The following FCRL1 variants were observed in gnomAD, a reference collection of about 807,000 sequenced individuals.
FCRL1 encodes the protein Fc receptor like 1.
Under a neutral mutation model 49.2 loss-of-function variants are expected in FCRL1, and 34 were observed. That is an observed-to-expected ratio of 0.69 (90% confidence interval 0.53 to 0.92). The LOEUF (loss-of-function observed/expected upper bound fraction) is 0.92. FCRL1 is among the 40% of genes least tolerant of loss of function. The pLI, the probability that FCRL1 is intolerant of heterozygous loss-of-function variation, is 0.00. For missense variants in FCRL1, 524 were observed against 524.1 expected, an observed-to-expected ratio of 1.00 and a Z score of 0.00; for synonymous variants, 218 against 201.6, an observed-to-expected ratio of 1.08 and a Z score of -0.69.
intron 10 of FCRL1, among the ~76,000 whole-genome samples, chr1:157,796,763 T>C (rs1267697895): frequency 6.6e-6 from 1 of 152,248 alleles, no homozygotes; most frequent in Non-Finnish European, 1.5e-5. Flanking sequence ...TTGGTTAACC[T>C]TATAGTACAA....
At chr1:157,809,924 TA>T (rs1157758112) in intron 1 of FCRL1, among the ~76,000 whole-genome samples, 4 of 152,162 alleles carry the variant, frequency 2.6e-5, no homozygotes, top group South Asian at 4.1e-4. Context: ...ACCCTGACTC[TA>T]AAAAAATTAA....
At chr1:157,813,502 A>G (rs749786713) in intron 1 of FCRL1, among the ~76,000 whole-genome samples, 5 of 152,220 alleles carry the variant, frequency 3.3e-5, no homozygotes, top group Non-Finnish European at 5.9e-5. Flanking sequence ...AAGAAGAAGA[A>G]TTTCTAAACT....
chr1:157,802,195 T>A lies in FCRL1; in HGVS notation c.608-2A>T. On this transcript the variant is annotated splice_acceptor_variant, in intron 4 of 10. Coordinates refer to ENST00000368176, the MANE Select transcript of FCRL1 (RefSeq NM_052938.5). LOFTEE classifies it high-confidence loss of function. ...TGAGGATTGGGCGAGACACCGGGAC[T>A]GAGGGAGACAGTAGACTGTAAGAGA... 6.2e-7 allele frequency: 1 copy of A among 1,611,664 alleles called. No homozygotes were observed. The highest frequency in any genetic ancestry group is 8.5e-7 in the Non-Finnish European group (1 of 1,178,832).
intron 7 of FCRL1, 77 bp from the exon 8 acceptor site, chr1:157,798,320 G>GC: frequency 8.1e-7 from 1 of 1,235,068 alleles, no homozygotes; most frequent in Non-Finnish European, 1.1e-6. Flanking sequence ...AAGGAGAGAA[G>GC]CCTGTGACAA....
intron 10 of FCRL1, among the ~76,000 whole-genome samples, chr1:157,796,775 G>A (rs1651556870): frequency 6.6e-6 from 1 of 152,190 alleles, no homozygotes; most frequent in East Asian, 1.9e-4. Flanking sequence ...ATAGTACAAA[G>A]TGATGGATGT....
intron 1 of FCRL1, among the ~76,000 whole-genome samples, chr1:157,815,659 A>T (rs1654924399): frequency 6.6e-6 from 1 of 151,918 alleles, no homozygotes; most frequent in African/African-American, 2.4e-5. Flanking sequence ...AAGATCAATG[A>T]AATGAGTCAG....
chr1:157,803,802 C>T (rs780956907), intron 3 of FCRL1, 43 bp downstream of exon 3: 8 of 1,597,332 alleles, frequency 5.0e-6, no homozygotes, highest in South Asian at 1.1e-5. Flanking sequence ...TTGCCACTGC[C>T]CTTCTCAGCC....
In FCRL1 at chr1:157,803,963, G is replaced by A. The variant is rs768045728; in HGVS notation, c.201C>T (p.Ser67=). ...DTRALGPGWS[S]SPKLQIAAMW... ...TGGCAGCGATCTGGAGCTTGGGGGA[G>A]CTGCTCCAGCCTGGGCCCAAGGCCC... is the stretch of plus-strand genomic sequence containing the variant. Residue 67 remains serine, a synonymous_variant, in exon 3 of 11, where the codon AGC becomes AGT. Transcript: ENST00000368176. The A allele has an allele frequency of 6.2e-7, 1 of 1,614,196 alleles. No homozygotes were observed. The highest frequency in any genetic ancestry group is 1.1e-5 in the South Asian group (1 of 91,086).
At chr1:157,818,583 G>C (rs1655365641) in intron 1 of FCRL1, among the ~76,000 whole-genome samples, 1 of 152,054 alleles carries the variant, frequency 6.6e-6, no homozygotes, top group Non-Finnish European at 1.5e-5. Context: ...GTCCAGAATA[G>C]ACAAATATAG....
chr1:157,804,325 A>G, intron 2 of FCRL1: 3 of 530,352 alleles, frequency 5.7e-6, no homozygotes, highest in Non-Finnish European at 9.9e-6. Flanking sequence ...GCCCCTGTGC[A>G]GTATTATCTT....
rs370085354 is a variant in FCRL1 at position 157,802,005 on chromosome 1, G to A, written c.796C>T (p.Leu266=). ...TAGTTTCCAGAATGTTCTTCAGTCA[G>A]GGAAAGGTTGAAGGAGGCTCCTCCT... ...SGGGASFNLS[L]TEEHSGNYSC... Residue 266 remains leucine, a synonymous_variant, in exon 5 of 11, where the codon CTG becomes TTG. Coordinates refer to ENST00000368176, the MANE Select transcript of FCRL1 (RefSeq NM_052938.5). The A allele has an allele frequency of 1.9e-6, 3 of 1,614,132 alleles. No individual in the cohort carries two copies. Among genetic ancestry groups the A allele is most frequent in the Non-Finnish European group, 2.5e-6 (3 of 1,180,046 alleles).
At chr1:157,816,599 G>T (rs1319509673) in intron 1 of FCRL1, among the ~76,000 whole-genome samples, 1 of 151,672 alleles carries the variant, frequency 6.6e-6, no homozygotes. Flanking sequence ...CAAAGTATTA[G>T]GCAAGAGAAA....
At chr1:157,817,621 T>C (rs983518206) in intron 1 of FCRL1, among the ~76,000 whole-genome samples, 1 of 152,004 alleles carries the variant, frequency 6.6e-6, no homozygotes, top group Non-Finnish European at 1.5e-5. Context: ...TGGGCAGTGA[T>C]TTTTTTGGCT....
intron 4 of FCRL1, 48 bp from the exon 5 acceptor site, chr1:157,802,241 A>G: frequency 6.3e-7 from 1 of 1,588,680 alleles, no homozygotes; most frequent in South Asian, 1.2e-5. Flanking sequence ...CAATGCAGCA[A>G]ACTCATAATC....
At chr1:157,819,787 A>G (rs150778767) in intron 1 of FCRL1, among the ~76,000 whole-genome samples, 3 of 152,338 alleles carry the variant, frequency 2.0e-5, no homozygotes, top group Non-Finnish European at 4.4e-5. Flanking sequence ...AACACTTCCT[A>G]TGAGATAAAA....
chr1:157,804,630 A>C (rs1653101691), intron 2 of FCRL1, among the ~76,000 whole-genome samples: 1 of 152,168 alleles, frequency 6.6e-6, no homozygotes, highest in Non-Finnish European at 1.5e-5. Context: ...TGTCCAGGAA[A>C]GACGTAGAAG....
In FCRL1 at chr1:157,795,223, C is replaced by A. The variant is rs1015310660; in HGVS notation, c.*876G>T. On this transcript the variant is annotated 3_prime_UTR_variant, in exon 11 of 11. Coordinates refer to ENST00000368176, the MANE Select transcript of FCRL1 (RefSeq NM_052938.5). ...GACAAAAAATGGCCAAGTTTGGTGG[C>A]ATGTGCCTGTAGTCCCAGCTACTCA... 9 of 152,088 alleles carry A rather than the reference C, an allele frequency of 5.9e-5. No individual in the cohort carries two copies. The highest frequency in any genetic ancestry group is 2.2e-4 in the African/African-American group (9 of 41,398). 9.4% of individuals were successfully genotyped at this position (152,088 alleles called of 1,614,324 possible).
At position 157,795,200 on chromosome 1, in the gene FCRL1, C is replaced by CA. The variant is rs1401313378; in HGVS notation, c.*898dup. The CA allele has an allele frequency of 1.3e-5, 2 of 152,086 alleles. No individual in the cohort carries two copies. The highest frequency in any genetic ancestry group is 2.4e-5 in the African/African-American group (1 of 41,490). The allele number at this position is 152,086 out of a possible 1,614,324, so 9.4% of individuals were successfully genotyped here. A position where few individuals can be genotyped will look rare whatever the true frequency, so the allele number is the denominator to read the frequency against. ...GGTGAAATCTTGTCTCTACGTAAGA[C>CA]AAAAAATGGCCAAGTTTGGTGGCAT... is the stretch of plus-strand genomic sequence containing the variant. On this transcript the variant is annotated 3_prime_UTR_variant, in exon 11 of 11. Coordinates refer to ENST00000368176, the MANE Select transcript of FCRL1 (RefSeq NM_052938.5).
intron 1 of FCRL1, among the ~76,000 whole-genome samples, chr1:157,814,981 A>C (rs1189984464): frequency 6.6e-6 from 1 of 152,004 alleles, no homozygotes; most frequent in Non-Finnish European, 1.5e-5. Context: ...ATCTAAAAGG[A>C]GATATAGACT....
Sources: allele counts gnomAD v4.1 joint callset (sites outside exome capture counted in the v4.1 genomes callset), GRCh38; gene constraint gnomAD v4.1.1; transcripts MANE v1.5; gene names NCBI Gene and HGNC (gene_info 2026-07-23, HGNC 2026-07-21).